Variants in KDM4C observed in about 807,000 individuals in gnomAD.
KDM4C encodes lysine demethylase 4C, also known as lysine-specific demethylase 4C.
A neutral mutation model predicts 129.3 loss-of-function variants in KDM4C; 81 were observed. The observed-to-expected ratio is 0.63, with a 90% CI of 0.52 to 0.75. The LOEUF (loss-of-function observed/expected upper bound fraction) is 0.75, where lower values mean the gene tolerates loss of function less well. Among genes scored for constraint, KDM4C ranks in the 30% least tolerant of loss-of-function variants. The pLI is 0.00. For synonymous variants in KDM4C, 573 were observed against 456.1 expected (o/e 1.26, Z -3.26); for missense variants, 1,457 against 1,304.0 (o/e 1.12, Z -1.81).
At chr9:7,164,249 T>C (rs1844119273) in intron 19 of KDM4C, among the ~76,000 whole-genome samples, 1 of 152,202 alleles carries the variant, frequency 6.6e-6, no homozygotes, top group Non-Finnish European at 1.5e-5. Context: ...ATTAAAATTG[T>C]ATTGTGTCCT....
At chr9:6,722,899 C>T (rs555191812) in intron 1 of KDM4C, among the ~76,000 whole-genome samples, 2 of 152,062 alleles carry the variant, frequency 1.3e-5, no homozygotes, top group African/African-American at 4.8e-5. Flanking sequence ...GGGAGGATTG[C>T]GTGAGCCCAG....
intron 12 of KDM4C, among the ~76,000 whole-genome samples, chr9:6,998,224 T>TA (rs1820118316): frequency 6.6e-6 from 1 of 152,204 alleles, no homozygotes; most frequent in South Asian, 2.1e-4. Context: ...CAGGCAATGT[T>TA]ACAGTAATTT....
intron 4 of KDM4C, among the ~76,000 whole-genome samples, chr9:6,830,565 C>T (rs1040355421): frequency 2.0e-5 from 3 of 152,154 alleles, no homozygotes; most frequent in Non-Finnish European, 2.9e-5. Flanking sequence ...CTCTTCTTTG[C>T]AGATTTATAT....
Position 6,958,298 on chromosome 9 carries a change from C to T in KDM4C, c.922-22627C>T, listed in dbSNP as rs116393555. ...GCAGCTAAGGATAAGAATTATATCA[C>T]ATTGAGGCCGGTGCGGTGGCTCACG... On this transcript the variant is annotated intron_variant, in intron 8 of 21. Transcript: ENST00000381309. Among the ~76,000 whole-genome samples, 899 of 152,116 alleles carry T rather than the reference C, an allele frequency of 5.9e-3. 9 individuals are homozygous for T. The highest frequency in any genetic ancestry group is 0.021 in the African/African-American group (853 of 41,476).
intron 4 of KDM4C, chr9:6,834,963 C>A: frequency 9.9e-7 from 1 of 1,007,188 alleles, no homozygotes; most frequent in Non-Finnish European, 1.6e-6. Context: ...GAGGGATATG[C>A]CCTCCCCCAC....
intron 4 of KDM4C, among the ~76,000 whole-genome samples, chr9:6,826,350 A>T (rs928796109): frequency 6.6e-6 from 1 of 152,174 alleles, no homozygotes; most frequent in Non-Finnish European, 1.5e-5. Flanking sequence ...GGAAGGTATT[A>T]CATAGAGAAA....
At chr9:6,725,764 C>A (rs1817104491) in intron 1 of KDM4C, among the ~76,000 whole-genome samples, 1 of 143,068 alleles carries the variant, frequency 7.0e-6, no homozygotes, top group South Asian at 2.2e-4. Context: ...GGCTGGAGTG[C>A]AGTGGTGCGA....
intron 15 of KDM4C, among the ~76,000 whole-genome samples, chr9:7,016,661 T>G (rs2031198): frequency 0.45 from 67,746 of 151,388 alleles, 15,285 homozygotes; most frequent in South Asian, 0.62. Context: ...CCTGACCTCA[T>G]TTGATCCACC....
intron 2 of KDM4C, among the ~76,000 whole-genome samples, chr9:6,800,335 C>G (rs1450903981): frequency 1.3e-5 from 2 of 152,068 alleles, no homozygotes; most frequent in East Asian, 3.9e-4. Context: ...CCACTGCACT[C>G]TAGCCTGGGC....
At chr9:6,917,064 T>C (rs1308003726) in intron 8 of KDM4C, among the ~76,000 whole-genome samples, 2 of 152,132 alleles carry the variant, frequency 1.3e-5, no homozygotes, top group Non-Finnish European at 2.9e-5. Flanking sequence ...AGTTAAAATA[T>C]CGTTTATATA....
At chr9:7,028,450 G>A (rs1826163918) in intron 15 of KDM4C, among the ~76,000 whole-genome samples, 2 of 151,838 alleles carry the variant, frequency 1.3e-5, no homozygotes, top group Admixed American at 6.6e-5. Context: ...TGGGTGAGCT[G>A]GTATCCAAGA....
chr9:6,835,641 G>T lies in KDM4C; in HGVS notation c.436-13866G>T, dbSNP rs182246932. Reference sequence around the variant, plus strand: ...AAAACCTGACTTGTGCAGAAAACAAGATGAGATTGGCATGGCTTTATTTTT... The same window carrying T: ...AAAACCTGACTTGTGCAGAAAACAATATGAGATTGGCATGGCTTTATTTTT... On this transcript the variant is annotated intron_variant, in intron 4 of 21. Transcript: ENST00000381309. 5.1e-6 allele frequency: 4 copies of T among 782,896 alleles called. No individual in the cohort carries two copies. The East Asian group carries it at 7.3e-5, about 14-fold the overall frequency. 48.5% of individuals were successfully genotyped at this position (782,896 alleles called of 1,614,324 possible).
At chr9:6,732,668 G>A (rs979153649) in intron 1 of KDM4C, among the ~76,000 whole-genome samples, 4 of 152,156 alleles carry the variant, frequency 2.6e-5, no homozygotes, top group African/African-American at 9.6e-5. Context: ...TTCCTAAACC[G>A]GGATTGAACC....
chr9:6,964,213 A>G (rs759694835), intron 8 of KDM4C, among the ~76,000 whole-genome samples: 3 of 151,738 alleles, frequency 2.0e-5, no homozygotes, highest in Non-Finnish European at 4.4e-5. Context: ...TACATTAGGT[A>G]TATCTTCTAT....
intron 4 of KDM4C, among the ~76,000 whole-genome samples, chr9:6,817,366 TA>T (rs907198389): frequency 3.9e-5 from 6 of 151,970 alleles, no homozygotes; most frequent in Non-Finnish European, 7.4e-5. Flanking sequence ...CATGCCTAGC[TA>T]ATTTTTAAAA....
intron 8 of KDM4C, among the ~76,000 whole-genome samples, chr9:6,958,418 C>G (rs1208201357): frequency 6.6e-6 from 1 of 151,898 alleles, no homozygotes; most frequent in Admixed American, 6.6e-5. Flanking sequence ...AACCCTGTCT[C>G]TACTAAAAAT....
chr9:7,053,557 A>G (rs1460951430), intron 17 of KDM4C, among the ~76,000 whole-genome samples: 1 of 152,200 alleles, frequency 6.6e-6, no homozygotes, highest in Non-Finnish European at 1.5e-5. Context: ...TCATCATACA[A>G]TTAAATGGAC....
intron 17 of KDM4C, among the ~76,000 whole-genome samples, chr9:7,082,939 T>C (rs553957518): frequency 6.6e-6 from 1 of 152,238 alleles, no homozygotes; most frequent in Non-Finnish European, 1.5e-5. Context: ...ACTATTGATA[T>C]TAATAGCCAT....
chr9:6,991,847 G>C (rs745403233), intron 12 of KDM4C, among the ~76,000 whole-genome samples: 15 of 152,142 alleles, frequency 9.9e-5, no homozygotes, highest in Non-Finnish European at 1.9e-4. Flanking sequence ...ACCAGCCTGG[G>C]CAACTTGGGG....
Sources: allele counts gnomAD v4.1 joint callset (sites outside exome capture counted in the v4.1 genomes callset), GRCh38; gene constraint gnomAD v4.1.1; transcripts MANE v1.5; gene names NCBI Gene and HGNC (gene_info 2026-07-23, HGNC 2026-07-21).